PCDHGA2: variants seen among roughly 807,000 people sequenced by gnomAD.
PCDHGA2 encodes protocadherin gamma-A2.
In PCDHGA2, 40 loss-of-function variants were observed where a neutral mutation model predicts 59.2. That is an observed-to-expected ratio of 0.68 (90% CI 0.52 to 0.88). The LOEUF is 0.88. PCDHGA2 is among the 40% of genes least tolerant of loss of function. The probability of loss-of-function intolerance (pLI) is 0.00; values close to 1 mark genes in which losing one functional copy is unlikely to be tolerated. For synonymous variants in PCDHGA2, 560 were observed against 526.0 expected (o/e 1.06, Z -0.89); for missense variants, 1,226 against 1,204.0 (o/e 1.02, Z -0.27).
At chr5:141,500,192 A>T (rs865941565) in intron 2 of PCDHGA2, among the ~76,000 whole-genome samples, 1 of 110,142 alleles carries the variant, frequency 9.1e-6, no homozygotes, top group Non-Finnish European at 2.0e-5. Context: ...ATTTTTATTT[A>T]TTTATTTATT....
chr5:141,379,295 G>A (rs928710321), intron 1 of PCDHGA2: 3 of 152,044 alleles, frequency 2.0e-5, no homozygotes, highest in African/African-American at 7.2e-5. Context: ...AGTTTCCAAA[G>A]GTATATACCT....
chr5:141,427,881 C>A, intron 1 of PCDHGA2: 1 of 1,563,720 alleles, frequency 6.4e-7, no homozygotes, highest in African/African-American at 1.3e-5. Context: ...GATGCAGGCC[C>A]ACGACCAGGG....
At chr5:141,423,757 G>C (rs562479446) in intron 1 of PCDHGA2, 29 of 395,138 alleles carry the variant, frequency 7.3e-5, no homozygotes, top group African/African-American at 6.1e-4. Flanking sequence ...GTTTGGGGGG[G>C]GGGTGGGGCG....
intron 1 of PCDHGA2, chr5:141,375,729 G>A: frequency 1.9e-6 from 3 of 1,614,264 alleles, no homozygotes; most frequent in Non-Finnish European, 2.5e-6. Flanking sequence ...GTGTCACTGA[G>A]CCTGTTTGTG....
rs181806844 is a variant in PCDHGA2 at position 141,445,046 on chromosome 5, G to T, written c.2425-49761G>T. Among the ~76,000 whole-genome samples the T allele has an allele frequency of 1.2e-4, 19 of 152,248 alleles. No individual in the cohort carries two copies. The East Asian group carries it at 3.7e-3, about 29-fold the overall frequency. ...TCAGCTATGTTGTATAGTTTTCAGT[G>T]TAGAGAGGTCATGTATATTTCTCAT... On this transcript the variant is annotated intron_variant, in intron 1 of 3. Transcript: ENST00000394576.
intron 2 of PCDHGA2, among the ~76,000 whole-genome samples, chr5:141,499,298 C>A (rs1239333151): frequency 6.6e-6 from 1 of 152,210 alleles, no homozygotes; most frequent in African/African-American, 2.4e-5. Context: ...ACACTACCAT[C>A]CCTCCTCTGA....
chr5:141,402,563 T>C (rs2094279860), intron 1 of PCDHGA2, among the ~76,000 whole-genome samples: 1 of 152,232 alleles, frequency 6.6e-6, no homozygotes, highest in African/African-American at 2.4e-5. Flanking sequence ...TTCCACTTTA[T>C]TTACAACTCA....
chr5:141,375,671 C>T (rs781705381), intron 1 of PCDHGA2: 14 of 1,614,148 alleles, frequency 8.7e-6, no homozygotes, highest in South Asian at 7.7e-5. Context: ...AGACCTACAG[C>T]TGTGGGTGAC....
intron 1 of PCDHGA2, chr5:141,365,258 G>A: frequency 6.2e-7 from 1 of 1,613,996 alleles, no homozygotes; most frequent in Non-Finnish European, 8.5e-7. Flanking sequence ...ACTGGACTAT[G>A]AAGAATCCAG....
chr5:141,437,831 G>C (rs923199746), intron 1 of PCDHGA2, among the ~76,000 whole-genome samples: 16 of 151,256 alleles, frequency 1.1e-4, no homozygotes, highest in African/African-American at 3.4e-4. Flanking sequence ...TCTGCCTCCT[G>C]GGTTCATGCT....
rs781336795 is a variant in PCDHGA2, at chr5:141,477,936, C to T, written c.2425-16871C>T. Reference sequence around the variant, plus strand: ...GATGCAGGGCACAATGCCTGGCTCTCCTACAGTCTCTTGGGATCCCCTAAC... The same window carrying T: ...GATGCAGGGCACAATGCCTGGCTCTTCTACAGTCTCTTGGGATCCCCTAAC... On this transcript the variant is annotated intron_variant, in intron 1 of 3. Transcript: ENST00000394576. This position sits in a 1 kb window ranked among gnomAD's most constrained non-coding sequence, Gnocchi z 4.9. 1.2e-6 allele frequency: 2 copies of T among 1,614,170 alleles called. No homozygotes were observed. The highest frequency in any genetic ancestry group is 1.1e-5 in the South Asian group (1 of 91,088).
rs750804901 is a variant in PCDHGA2 at position 141,476,422 on chromosome 5, C to G, written c.2425-18385C>G. On this transcript the variant is annotated intron_variant, in intron 1 of 3. Coordinates refer to ENST00000394576, the MANE Select transcript of PCDHGA2 (RefSeq NM_018915.4). The surrounding 1 kb of genome is among the most constrained non-coding windows in gnomAD (Gnocchi z 7.6). ...GAGAGGAGCTGTGTGGGACACTGCC[C>G]TCTTGCACTGTAACTCTGGAGTTGG... 17 of 1,614,026 alleles carry G rather than the reference C, an allele frequency of 1.1e-5. No individual in the cohort carries two copies. The highest frequency in any genetic ancestry group is 1.4e-5 in the Non-Finnish European group (17 of 1,180,030).
chr5:141,403,604 G>C, intron 1 of PCDHGA2: 2 of 1,613,768 alleles, frequency 1.2e-6, no homozygotes, highest in Non-Finnish European at 1.7e-6. Flanking sequence ...CTCGGATGGC[G>C]GCGAGCCGCG....
Position 141,489,492 on chromosome 5 carries a change from G to T in PCDHGA2, c.2425-5315G>T, listed in dbSNP as rs1258376136. On this transcript the variant is annotated intron_variant, in intron 1 of 3. Coordinates refer to ENST00000394576, the MANE Select transcript of PCDHGA2 (RefSeq NM_018915.4). The surrounding 1 kb of genome is among the most constrained non-coding windows in gnomAD (Gnocchi z 4.5). ...CCCTGAGCTTGATGAGTGGTGCCCT[G>T]GCAGTGAATCAAAAGATTGACCGAG... 1 of 1,614,042 alleles carries T rather than the reference G, an allele frequency of 6.2e-7. No individual in the cohort carries two copies. The highest frequency in any genetic ancestry group is 1.1e-5 in the South Asian group (1 of 91,078).
chr5:141,445,188 G>A (rs1267342449), intron 1 of PCDHGA2, among the ~76,000 whole-genome samples: 5 of 152,198 alleles, frequency 3.3e-5, no homozygotes, highest in South Asian at 2.1e-4. Flanking sequence ...ATGTTTTTAT[G>A]TATTCTATAT....
At chr5:141,433,352 T>G (rs976015031) in intron 1 of PCDHGA2, 1 of 614,162 alleles carries the variant, frequency 1.6e-6, no homozygotes, top group Admixed American at 3.0e-5. Flanking sequence ...AGCCACCTAC[T>G]GTCTGCCTAT....
At chr5:141,509,376 C>A (rs2099876528) in intron 3 of PCDHGA2, among the ~76,000 whole-genome samples, 1 of 152,122 alleles carries the variant, frequency 6.6e-6, no homozygotes, top group African/African-American at 2.4e-5. Flanking sequence ...TTAACTGTCT[C>A]CTAACCACAG....
chr5:141,377,133 G>A (rs1013848288), intron 1 of PCDHGA2: 25 of 152,138 alleles, frequency 1.6e-4, no homozygotes, highest in African/African-American at 5.8e-4. Flanking sequence ...ATTTTGTGGG[G>A]GAAAATAATG....
Position 141,486,970 on chromosome 5 carries a change from T to G in PCDHGA2, c.2425-7837T>G, listed in dbSNP as rs754309905. 1 of 1,614,050 alleles carries G rather than the reference T, an allele frequency of 6.2e-7. No individual in the cohort carries two copies. Among genetic ancestry groups the G allele is most frequent in the African/African-American group, 1.3e-5 (1 of 74,904 alleles). ...CAAAGGTGACTGCTGTGGACTTGGATTCAGGTTACAATGCTTGGGTTTCCT... is the reference window on the plus strand; with the variant it reads ...CAAAGGTGACTGCTGTGGACTTGGAGTCAGGTTACAATGCTTGGGTTTCCT... On this transcript the variant is annotated intron_variant, in intron 1 of 3. Coordinates refer to ENST00000394576, the MANE Select transcript of PCDHGA2 (RefSeq NM_018915.4). This position sits in a 1 kb window ranked among gnomAD's most constrained non-coding sequence, Gnocchi z 5.0.
Sources: allele counts gnomAD v4.1 joint callset (sites outside exome capture counted in the v4.1 genomes callset), GRCh38; gene constraint gnomAD v4.1.1; non-coding constraint Gnocchi (gnomAD v3.1); transcripts MANE v1.5; gene names NCBI Gene and HGNC (gene_info 2026-07-23, HGNC 2026-07-21).